Variants in DSCAM observed in about 807,000 individuals in gnomAD.
The protein encoded by DSCAM is cell adhesion molecule DSCAM.
Under a neutral mutation model 217.7 loss-of-function variants are expected in DSCAM, and 47 were observed. The observed-to-expected ratio is 0.22, with a 90% CI of 0.17 to 0.28. The LOEUF (loss-of-function observed/expected upper bound fraction) is 0.28, where lower values mean the gene tolerates loss of function less well. Ranked by LOEUF, DSCAM falls within the 10% of genes least tolerant of loss-of-function variation. The pLI, the probability that DSCAM is intolerant of heterozygous loss-of-function variation, is 1.00. For synonymous variants in DSCAM, 1,056 were observed against 1,015.3 expected, an observed-to-expected ratio of 1.04 and a Z score of -0.76; for missense variants, 2,080 against 2,618.3, an observed-to-expected ratio of 0.79 and a Z score of 4.49.
At chr21:40,059,190 C>T (rs149081370) in intron 28 of DSCAM, among the ~76,000 whole-genome samples, 44 of 152,198 alleles carry the variant, frequency 2.9e-4, no homozygotes, top group African/African-American at 1.1e-3. Context: ...ATTATGTGCA[C>T]AAAAATATGA....
chr21:40,677,086 C>G (rs1234107135), intron 3 of DSCAM, among the ~76,000 whole-genome samples: 1 of 151,942 alleles, frequency 6.6e-6, no homozygotes, highest in African/African-American at 2.4e-5. Context: ...TATGGCCTTT[C>G]TTTCCTAGTA....
chr21:40,095,387 T>C (rs1192763446), intron 20 of DSCAM, among the ~76,000 whole-genome samples: 1 of 152,220 alleles, frequency 6.6e-6, no homozygotes, highest in Non-Finnish European at 1.5e-5. Context: ...GAAGTACTGA[T>C]AAATGCTATA....
At chr21:40,540,292 AAAC>A (rs1242488195) in intron 3 of DSCAM, among the ~76,000 whole-genome samples, 3 of 152,196 alleles carry the variant, frequency 2.0e-5, no homozygotes, top group Non-Finnish European at 2.9e-5. Context: ...AGTTCAGATC[AAAC>A]AACAATTCCT....
At chr21:40,087,078 C>T (rs1448619142) in intron 22 of DSCAM, 92 bp downstream of exon 22, 5 of 937,446 alleles carry the variant, frequency 5.3e-6, no homozygotes, top group Non-Finnish European at 8.5e-6. Flanking sequence ...TATAAATAAA[C>T]ACAAAATTAG....
intron 20 of DSCAM, among the ~76,000 whole-genome samples, chr21:40,116,693 TA>T (rs1358927184): frequency 1.3e-5 from 2 of 148,874 alleles, no homozygotes; most frequent in Non-Finnish European, 3.0e-5. Context: ...GATTTTCCAT[TA>T]TTAAAAAAAA....
intron 4 of DSCAM, among the ~76,000 whole-genome samples, chr21:40,365,745 GTGGC>G (rs1403380388): frequency 6.6e-6 from 1 of 152,008 alleles, no homozygotes. Context: ...CTCACTTCTT[GTGGC>G]TGTTTTCCTC....
intron 8 of DSCAM, among the ~76,000 whole-genome samples, chr21:40,316,021 T>C (rs1360815449): frequency 6.6e-6 from 1 of 152,200 alleles, no homozygotes; most frequent in Non-Finnish European, 1.5e-5. Context: ...AGCATTTTTG[T>C]AATTAATACA....
chr21:40,784,409 C>T (rs2091574703), intron 1 of DSCAM, among the ~76,000 whole-genome samples: 2 of 152,198 alleles, frequency 1.3e-5, no homozygotes, highest in African/African-American at 4.8e-5. Flanking sequence ...CCACATGGAA[C>T]TATGAGTCTA....
intron 1 of DSCAM, among the ~76,000 whole-genome samples, chr21:40,811,846 A>G (rs1299903901): frequency 3.9e-5 from 6 of 152,206 alleles, no homozygotes; most frequent in Non-Finnish European, 5.9e-5. Context: ...CATATGGGAT[A>G]GGCACCTGGG....
At chr21:40,663,208 ATGTC>A (rs1411880896) in intron 3 of DSCAM, among the ~76,000 whole-genome samples, 6 of 126,534 alleles carry the variant, frequency 4.7e-5, no homozygotes, top group African/African-American at 1.2e-4. Flanking sequence ...ATGTGAGTGT[ATGTC>A]TGTGCATGGT....
chr21:40,030,258 G>A (rs112297094), intron 32 of DSCAM, among the ~76,000 whole-genome samples: 1 of 152,144 alleles, frequency 6.6e-6, no homozygotes, highest in African/African-American at 2.4e-5. Flanking sequence ...CTAAATGACT[G>A]GTCCTGTTTT....
chr21:40,242,707 T>A (rs1250027571), intron 11 of DSCAM, among the ~76,000 whole-genome samples: 1 of 152,216 alleles, frequency 6.6e-6, no homozygotes, highest in Non-Finnish European at 1.5e-5. Context: ...TTTGAAATGG[T>A]GCTTGTTTTG....
intron 19 of DSCAM, among the ~76,000 whole-genome samples, chr21:40,124,945 G>T (rs192791967): frequency 4.9e-4 from 74 of 152,218 alleles, no homozygotes; most frequent in African/African-American, 1.5e-3. Flanking sequence ...TTAACTTCTG[G>T]ATCAGTCTCA....
At chr21:40,274,475 C>A (rs924807233) in intron 11 of DSCAM, among the ~76,000 whole-genome samples, 19 of 152,158 alleles carry the variant, frequency 1.2e-4, no homozygotes, top group African/African-American at 4.6e-4. Context: ...TATATTGGGT[C>A]CTAGATATGT....
intron 3 of DSCAM, among the ~76,000 whole-genome samples, chr21:40,409,175 G>C (rs1230729209): frequency 1.3e-5 from 2 of 152,130 alleles, no homozygotes; most frequent in African/African-American, 4.8e-5. Flanking sequence ...TAGCTTCTGA[G>C]TATTGAGAGC....
At chr21:40,731,942 G>C (rs1225678931) in intron 1 of DSCAM, among the ~76,000 whole-genome samples, 1 of 152,034 alleles carries the variant, frequency 6.6e-6, no homozygotes, top group Non-Finnish European at 1.5e-5. Flanking sequence ...GGCCCGGCTG[G>C]TCTCAAACTC....
Position 40,090,227 on chromosome 21 carries a change from C to T in DSCAM, c.3851-2940G>A, listed in dbSNP as rs532884794. ...TTCTCCCTCTCTACTGGGATCTTCC[C>T]GTTACCACATAAACATGCTCTGATG... On this transcript the variant is annotated intron_variant, in intron 21 of 32. Coordinates refer to ENST00000400454, the MANE Select transcript of DSCAM (RefSeq NM_001389.5). 6.3e-4 allele frequency among the ~76,000 whole-genome samples: 96 copies of T among 152,258 alleles called. 1 individual carries two copies. The highest frequency in any genetic ancestry group is 2.0e-3 in the African/African-American group (83 of 41,550).
intron 3 of DSCAM, among the ~76,000 whole-genome samples, chr21:40,692,201 A>G (rs8131165): frequency 0.048 from 7,358 of 152,352 alleles, 364 homozygotes; most frequent in African/African-American, 0.13. Flanking sequence ...TAAATAGCAC[A>G]GAGCAAGAAA....
intron 17 of DSCAM, among the ~76,000 whole-genome samples, chr21:40,143,005 T>C (rs1167799271): frequency 6.6e-6 from 1 of 152,234 alleles, no homozygotes; most frequent in African/African-American, 2.4e-5. Context: ...TTCTTAATTT[T>C]ATTGCCTGAG....
Sources: allele counts gnomAD v4.1 joint callset (sites outside exome capture counted in the v4.1 genomes callset), GRCh38; gene constraint gnomAD v4.1.1; transcripts MANE v1.5; gene names NCBI Gene and HGNC (gene_info 2026-07-23, HGNC 2026-07-21).